The following TATDN1 variants were observed in gnomAD, a reference collection of about 807,000 sequenced individuals.
The protein encoded by TATDN1 is deoxyribonuclease TATDN1.
Under a neutral mutation model 46.4 loss-of-function variants are expected in TATDN1, and 40 were observed. The observed-to-expected ratio is 0.86, with a 90% CI of 0.67 to 1.12. The LOEUF is 1.12. Among genes scored for constraint, TATDN1 ranks in the 50% most tolerant of loss-of-function variants. The pLI, the probability that TATDN1 is intolerant of heterozygous loss-of-function variation, is 0.00. For missense variants in TATDN1, 326 were observed against 348.4 expected, an observed-to-expected ratio of 0.94 and a Z score of 0.51; for synonymous variants, 95 against 105.6, an observed-to-expected ratio of 0.90 and a Z score of 0.62.
chr8:124,488,605 G>C lies in TATDN1; in HGVS notation c.883C>G (p.Pro295Ala), dbSNP rs781298403. 1 of 1,531,730 alleles carries C rather than the reference G, an allele frequency of 6.5e-7. No homozygotes were observed. Among genetic ancestry groups the C allele is most frequent in the East Asian group, 2.3e-5 (1 of 44,134 alleles). 94.9% of individuals were successfully genotyped at this position (1,531,730 alleles called of 1,614,324 possible). A position where few individuals can be genotyped will look rare whatever the true frequency, so the allele number is the denominator to read the frequency against. ...LYNNTIKVFFPGI is the reference protein window; with the variant it reads ...LYNNTIKVFFAGI Reference sequence around the variant, plus strand: ...AAGACATATACCAATTATATTCCAGGAAAAAATACTTTAATAGTATTGTTA... The same window carrying C: ...AAGACATATACCAATTATATTCCAGCAAAAAATACTTTAATAGTATTGTTA... Residue 295 changes from proline (P) to alanine (A), a missense_variant, in exon 12 of 12, where the codon CCT becomes GCT. By Grantham distance (27) the Pro-to-Ala change is conservative (BLOSUM62 -1). Transcript: ENST00000276692.
intron 1 of TATDN1, among the ~76,000 whole-genome samples, chr8:124,528,268 G>A (rs1025544198): frequency 1.3e-5 from 2 of 152,066 alleles, no homozygotes; most frequent in South Asian, 4.1e-4. Context: ...CCACCTCCCA[G>A]GTTCACGCCA....
At chr8:124,536,329 C>T (rs1821425774) in intron 1 of TATDN1, among the ~76,000 whole-genome samples, 1 of 152,152 alleles carries the variant, frequency 6.6e-6, no homozygotes, top group African/African-American at 2.4e-5. Flanking sequence ...GGTGGAAGGA[C>T]TGCTTAAGGC....
chr8:124,518,325 C>T lies in TATDN1; in HGVS notation c.202+493G>A, dbSNP rs531428863. Among the ~76,000 whole-genome samples, 7 of 148,224 alleles carry T rather than the reference C, an allele frequency of 4.7e-5. No homozygotes were observed. The South Asian group carries it at 1.5e-3, about 32-fold the overall frequency. On this transcript the variant is annotated intron_variant, in intron 4 of 11. Coordinates refer to ENST00000276692, the MANE Select transcript of TATDN1 (RefSeq NM_032026.4). ...GGATCACGAGGTCAGGAGATCGAGA[C>T]CATCCTGGCTAACATGGTGAAACCC...
intron 1 of TATDN1, 61 bp downstream of exon 1, chr8:124,538,964 T>C: frequency 6.2e-7 from 1 of 1,608,150 alleles, no homozygotes; most frequent in South Asian, 1.1e-5. Flanking sequence ...CCTGTGACCT[T>C]GGTGACCGAC....
At chr8:124,514,710 T>C (rs148015029) in intron 6 of TATDN1, among the ~76,000 whole-genome samples, 1 of 152,352 alleles carries the variant, frequency 6.6e-6, no homozygotes, top group East Asian at 1.9e-4. Context: ...ACCTAAATTT[T>C]CTTTTCAATC....
chr8:124,502,885 T>C (rs1818096563), intron 9 of TATDN1, among the ~76,000 whole-genome samples: 1 of 152,192 alleles, frequency 6.6e-6, no homozygotes, highest in Non-Finnish European at 1.5e-5. Context: ...GCACCAGTAA[T>C]ACCAGCTACT....
At chr8:124,495,207 CGT>C (rs1236611154) in intron 10 of TATDN1, 8 of 453,478 alleles carry the variant, frequency 1.8e-5, no homozygotes, top group Admixed American at 1.3e-4. Flanking sequence ...GCTAAGTACT[CGT>C]AACTACAACC....
intron 1 of TATDN1, among the ~76,000 whole-genome samples, chr8:124,531,344 C>A (rs1182426829): frequency 6.6e-6 from 1 of 152,160 alleles, no homozygotes; most frequent in Admixed American, 6.5e-5. Context: ...TAGGCAAGGA[C>A]AGGTTAAGTT....
At chr8:124,516,066 G>T (rs1819443263) in intron 4 of TATDN1, 36 bp from the exon 5 acceptor site, 1 of 1,511,370 alleles carries the variant, frequency 6.6e-7, no homozygotes, top group Admixed American at 2.2e-5. Context: ...TATTTTCAAA[G>T]TATTTTCTCA....
Position 124,493,813 on chromosome 8 carries a change from C to T in TATDN1, c.791+20G>A. 1 of 1,581,928 alleles carries T rather than the reference C, an allele frequency of 6.3e-7. No individual in the cohort carries two copies. Among genetic ancestry groups the T allele is most frequent in the Non-Finnish European group, 8.6e-7 (1 of 1,168,934 alleles). On this transcript the variant is annotated intron_variant, in intron 11 of 11. Coordinates refer to ENST00000276692, the MANE Select transcript of TATDN1 (RefSeq NM_032026.4). ...GTGGTTAACTAATGATTTTGAAGAC[C>T]ATGAAAGCAAAATACTCACATTATA...
intron 6 of TATDN1, among the ~76,000 whole-genome samples, chr8:124,515,223 A>G (rs1490533065): frequency 6.6e-6 from 1 of 152,168 alleles, no homozygotes; most frequent in East Asian, 1.9e-4. Context: ...TTTACTAAAA[A>G]CATAAAAATT....
chr8:124,515,860 ACT>A, intron 5 of TATDN1, 25 bp downstream of exon 5: 1 of 1,613,472 alleles, frequency 6.2e-7, no homozygotes, highest in East Asian at 2.2e-5. Flanking sequence ...AAACAATGTC[ACT>A]CTAAGAGGCG....
intron 9 of TATDN1, among the ~76,000 whole-genome samples, chr8:124,499,945 A>G (rs558739996): frequency 6.8e-6 from 1 of 147,842 alleles, no homozygotes; most frequent in East Asian, 2.0e-4. Flanking sequence ...CCTGGGTTCA[A>G]ACGATTCTCC....
chr8:124,536,315 C>A (rs80345746), intron 1 of TATDN1, among the ~76,000 whole-genome samples: 1 of 152,036 alleles, frequency 6.6e-6, no homozygotes, highest in African/African-American at 2.4e-5. Context: ...CTTTGGGAGG[C>A]GGAGGTGGAA....
rs963838260 is a variant in TATDN1, at chr8:124,508,409, G to C, written c.516+65C>G. 3 of 1,378,336 alleles carry C rather than the reference G, an allele frequency of 2.2e-6. No individual in the cohort carries two copies. In the African/African-American group the frequency reaches 4.3e-5, roughly 20 times the overall value. The allele number at this position is 1,378,336 out of a possible 1,614,324, so 85.4% of individuals were successfully genotyped here. ...AGATTTTGGAGCATTTTGTACTTGG[G>C]AGTATTTTGGATTTTTGGATTAGAG... On this transcript the variant is annotated intron_variant, in intron 8 of 11. Coordinates refer to ENST00000276692, the MANE Select transcript of TATDN1 (RefSeq NM_032026.4).
chr8:124,515,928 T>A lies in TATDN1; in HGVS notation c.305A>T (p.Asn102Ile), dbSNP rs1819430353. The A allele has an allele frequency of 1.2e-6, 2 of 1,613,966 alleles. No homozygotes were observed. The highest frequency in any genetic ancestry group is 1.7e-6 in the Non-Finnish European group (2 of 1,180,006). ...YLKELLNLAENNKGKVVAIGE... is the reference protein window; with the variant it reads ...YLKELLNLAEINKGKVVAIGE... ...TATTGCCACAACTTTCCCTTTATTGTTTTCAGCAAGATTTAGCAACTCCTT... is the reference window on the plus strand; with the variant it reads ...TATTGCCACAACTTTCCCTTTATTGATTTCAGCAAGATTTAGCAACTCCTT... Residue 102 changes from asparagine to isoleucine, a missense_variant, in exon 5 of 12, where the codon AAC (asparagine) becomes ATC (isoleucine). By Grantham distance (149) the Asn-to-Ile change is moderately radical. Transcript: ENST00000276692.
At chr8:124,503,365 G>T (rs73704283) in intron 9 of TATDN1, among the ~76,000 whole-genome samples, 1 of 151,964 alleles carries the variant, frequency 6.6e-6, no homozygotes, top group Non-Finnish European at 1.5e-5. Flanking sequence ...TCATGCTGGG[G>T]GGACTCTGAT....
chr8:124,518,941 A>C lies in TATDN1; in HGVS notation c.139-60T>G, dbSNP rs924574315. 2.7e-6 allele frequency: 3 copies of C among 1,100,270 alleles called. No homozygotes were observed. In the African/African-American group the frequency reaches 4.7e-5, roughly 17 times the overall value. The allele number at this position is 1,100,270 out of a possible 1,614,324, so 68.2% of individuals were successfully genotyped here. On this transcript the variant is annotated intron_variant, in intron 3 of 11. Transcript: ENST00000276692. ...AATAGGGCAGCAATAACAGTTTCCT[A>C]AACATGCCTTCCTACCACTTCCTTA...
chr8:124,492,937 A>G (rs1052885730), intron 11 of TATDN1, among the ~76,000 whole-genome samples: 1 of 152,000 alleles, frequency 6.6e-6, no homozygotes, highest in African/African-American at 2.4e-5. Flanking sequence ...ATACAGGCGC[A>G]GGCCACCATG....
Sources: allele counts gnomAD v4.1 joint callset (sites outside exome capture counted in the v4.1 genomes callset), GRCh38; gene constraint gnomAD v4.1.1; transcripts MANE v1.5; gene names NCBI Gene and HGNC (gene_info 2026-07-23, HGNC 2026-07-21).